The following LGALS9 variants were observed in gnomAD, a reference collection of about 807,000 sequenced individuals.
LGALS9 encodes the protein galectin 9.
LGALS9 carries 26 observed loss-of-function variants against 35.9 expected under a neutral mutation model. The ratio of observed to expected loss-of-function variants is 0.72; its 90% confidence interval spans 0.53 to 1.01. LGALS9 has a LOEUF of 1.01. Among genes scored for constraint, LGALS9 ranks in the 50% least tolerant of loss-of-function variants. The pLI is 0.00. For missense variants in LGALS9, 347 were observed against 445.8 expected (o/e 0.78, Z 1.99); for synonymous variants, 149 against 172.2 (o/e 0.87, Z 1.06).
intron 4 of LGALS9, among the ~76,000 whole-genome samples, chr17:27,643,295 ACTCT>A (rs566870775): frequency 2.5e-4 from 38 of 150,934 alleles, no homozygotes; most frequent in African/African-American, 9.0e-4. Context: ...TCCTTCCCTG[ACTCT>A]CTCCCCTGCG....
chr17:27,645,483 G>A lies in LGALS9; in HGVS notation c.576+134G>A, dbSNP rs1258607950. On this transcript the variant is annotated intron_variant, in intron 6 of 10. Coordinates refer to ENST00000395473, the MANE Select transcript of LGALS9 (RefSeq NM_009587.3). ...AGACCAGACCCTTGACCATCTGCCC[G>A]GCCTGGTGAGGTTGGGGGTTGGATG... 1.1e-4 allele frequency: 142 copies of A among 1,341,710 alleles called. 21 individuals are homozygous for A. The highest frequency in any genetic ancestry group is 6.5e-4 in the Middle Eastern group (3 of 4,608). The allele number at this position is 1,341,710 out of a possible 1,614,324, so 83.1% of individuals were successfully genotyped here. A position where few individuals can be genotyped will look rare whatever the true frequency, so the allele number is the denominator to read the frequency against.
chr17:27,641,273 C>T (rs912092065), intron 3 of LGALS9, among the ~76,000 whole-genome samples: 3 of 152,116 alleles, frequency 2.0e-5, no homozygotes, highest in African/African-American at 4.8e-5. Context: ...TGTCCCCATT[C>T]GTTCAGTATG....
chr17:27,639,720 C>T (rs1000672658), intron 2 of LGALS9, among the ~76,000 whole-genome samples: 8 of 152,056 alleles, frequency 5.3e-5, no homozygotes, highest in African/African-American at 1.9e-4. Context: ...CAGGAGTGCA[C>T]TATGATGCCC....
chr17:27,641,060 C>T (rs1904456169), intron 3 of LGALS9: 13 of 626,034 alleles, frequency 2.1e-5, no homozygotes, highest in South Asian at 2.0e-4. Flanking sequence ...AAGCTCATTC[C>T]ATTCCTCTGC....
chr17:27,640,965 GTGCACC>G (rs1904450335), intron 3 of LGALS9, 192 bp downstream of exon 3: 1 of 878,330 alleles, frequency 1.1e-6, no homozygotes, highest in Non-Finnish European at 1.9e-6. Context: ...GAATCTACAG[GTGCACC>G]TGCTGCTTCT....
intron 1 of LGALS9, among the ~76,000 whole-genome samples, chr17:27,632,050 T>C (rs529246123): frequency 6.6e-6 from 1 of 152,156 alleles, no homozygotes; most frequent in African/African-American, 2.4e-5. Flanking sequence ...GTGAGGTTTA[T>C]GAGTCCCCTT....
intron 4 of LGALS9, among the ~76,000 whole-genome samples, chr17:27,642,911 A>T (rs1904630105): frequency 6.6e-6 from 1 of 152,182 alleles, no homozygotes; most frequent in Non-Finnish European, 1.5e-5. Flanking sequence ...AACATCTAAA[A>T]GGTCAGGAGA....
chr17:27,643,962 A>C, intron 5 of LGALS9: 1 of 254,632 alleles, frequency 3.9e-6, no homozygotes, highest in Non-Finnish European at 7.5e-6. Context: ...CTTATAAGCA[A>C]ATGTGATCAC....
intron 5 of LGALS9, 159 bp from the exon 6 acceptor site, chr17:27,645,155 G>A: frequency 8.0e-6 from 12 of 1,495,024 alleles, no homozygotes; most frequent in South Asian, 3.8e-5. Context: ...AAATCTGGGT[G>A]CCACGGGCTC....
intron 1 of LGALS9, among the ~76,000 whole-genome samples, chr17:27,633,934 G>A (rs1405498043): frequency 6.6e-6 from 1 of 152,226 alleles, no homozygotes; most frequent in Non-Finnish European, 1.5e-5. Context: ...GTACAGAGCT[G>A]GGAGGCAAGC....
chr17:27,647,416 G>A lies in LGALS9; in HGVS notation c.905G>A (p.Arg302His), dbSNP rs142653327. 1.7e-3 allele frequency: 2,761 copies of A among 1,614,130 alleles called. 64 individuals are homozygous for A. The Admixed American group carries it at 0.031, about 18-fold the overall frequency. Residue 302 changes from arginine to histidine, a missense_variant, in exon 10 of 11, where the codon CGT becomes CAT. Arg to His is a conservative substitution (Grantham distance 29). Coordinates refer to ENST00000395473, the MANE Select transcript of LGALS9 (RefSeq NM_009587.3). Reference sequence around the variant, plus strand: ...CTGCCCCGAAAAATGCCCTTCGTCCGTGGCCAGAGCTTCTCAGTAAGGCAC... The same window carrying A: ...CTGCCCCGAAAAATGCCCTTCGTCCATGGCCAGAGCTTCTCAGTAAGGCAC... The part of the protein sequence containing the change: ...RSLPRKMPFV[R>H]GQSFSVWILC...
chr17:27,635,127 C>T (rs2151289242), intron 1 of LGALS9, among the ~76,000 whole-genome samples: 1 of 152,222 alleles, frequency 6.6e-6, no homozygotes. Context: ...AATGAATAAC[C>T]TTGTTTGTAG....
chr17:27,639,813 T>G (rs28720951), intron 2 of LGALS9, among the ~76,000 whole-genome samples: 65 of 152,182 alleles, frequency 4.3e-4, no homozygotes, highest in African/African-American at 1.5e-3. Flanking sequence ...CTGGGCTCAC[T>G]ACAACCTCCG....
In LGALS9 at chr17:27,641,064, C is replaced by A. The variant is rs1598183794; in HGVS notation, c.333+291C>A. 6.5e-6 allele frequency: 4 copies of A among 617,340 alleles called. No homozygotes were observed. In the African/African-American group the frequency reaches 7.2e-5, roughly 11 times the overall value. The allele number at this position is 617,340 out of a possible 1,614,324, so 38.2% of individuals were successfully genotyped here. ...CTTTGAATTCCAAGCTCATTCCATT[C>A]CTCTGCTATAGCCATTCCTCCTCTC... On this transcript the variant is annotated intron_variant, in intron 3 of 10. Transcript: ENST00000395473.
rs971348765 is a variant in LGALS9, at chr17:27,649,119, G to A, written c.*137G>A. On this transcript the variant is annotated 3_prime_UTR_variant, in exon 11 of 11. Transcript: ENST00000395473. ...AATGCAGAGGCCATGTCCTTGTCTGGTCCTGCTTCTGGCTACAGCCACCCT... is the reference window on the plus strand; with the variant it reads ...AATGCAGAGGCCATGTCCTTGTCTGATCCTGCTTCTGGCTACAGCCACCCT... 2.3e-5 allele frequency: 32 copies of A among 1,397,250 alleles called. No individual in the cohort carries two copies. In the African/African-American group the frequency reaches 4.6e-4, roughly 20 times the overall value. The allele number at this position is 1,397,250 out of a possible 1,614,324, so 86.6% of individuals were successfully genotyped here. A position where few individuals can be genotyped will look rare whatever the true frequency, so the allele number is the denominator to read the frequency against.
intron 8 of LGALS9, among the ~76,000 whole-genome samples, 183 bp downstream of exon 8, chr17:27,646,771 G>C (rs1567919418): frequency 6.6e-6 from 1 of 152,212 alleles, no homozygotes; most frequent in Non-Finnish European, 1.5e-5. Flanking sequence ...CCTTAAAACT[G>C]TCGTGTCAAT....
intron 3 of LGALS9, among the ~76,000 whole-genome samples, chr17:27,641,572 G>C (rs1567915669): frequency 6.6e-6 from 1 of 152,108 alleles, no homozygotes; most frequent in Non-Finnish European, 1.5e-5. Context: ...ATGGATGCTG[G>C]GCTTGATACC....
chr17:27,635,804 G>T (rs1416241298), intron 1 of LGALS9, among the ~76,000 whole-genome samples: 2 of 152,174 alleles, frequency 1.3e-5, no homozygotes, highest in Non-Finnish European at 2.9e-5. Context: ...AGAATCACAG[G>T]CTTCCACAAA....
intron 6 of LGALS9, 25 bp from the exon 7 acceptor site, chr17:27,645,836 G>A: frequency 1.3e-6 from 2 of 1,591,210 alleles, no homozygotes; most frequent in Non-Finnish European, 1.7e-6. Context: ...GAGAGCCTGG[G>A]TGAGACCTGG....
Sources: allele counts gnomAD v4.1 joint callset (sites outside exome capture counted in the v4.1 genomes callset), GRCh38; gene constraint gnomAD v4.1.1; transcripts MANE v1.5; gene names NCBI Gene and HGNC (gene_info 2026-07-23, HGNC 2026-07-21).